The following ANTXR1 variants were observed in gnomAD, a reference collection of about 807,000 sequenced individuals.
ANTXR1 encodes the protein anthrax toxin receptor 1.
ANTXR1 carries 19 observed loss-of-function variants against 78.1 expected under a neutral mutation model. The ratio of observed to expected loss-of-function variants is 0.24; its 90% CI spans 0.17 to 0.36. ANTXR1 has a LOEUF of 0.36. Among genes scored for constraint, ANTXR1 ranks in the 10% least tolerant of loss-of-function variants. ANTXR1 has a pLI of 1.00. For synonymous variants in ANTXR1, 273 were observed against 260.5 expected (o/e 1.05, Z -0.46); for missense variants, 518 against 718.6 (o/e 0.72, Z 3.19).
At chr2:69,204,298 G>C (rs905653605) in intron 17 of ANTXR1, among the ~76,000 whole-genome samples, 1 of 152,088 alleles carries the variant, frequency 6.6e-6, no homozygotes, top group Non-Finnish European at 1.5e-5. Flanking sequence ...AACAGTGTGG[G>C]GAAGAGCCAG....
At chr2:69,121,976 C>T (rs1672361724) in intron 10 of ANTXR1, among the ~76,000 whole-genome samples, 1 of 152,140 alleles carries the variant, frequency 6.6e-6, no homozygotes, top group African/African-American at 2.4e-5. Context: ...TCCAAGAGTC[C>T]CCGACTCTGA....
intron 12 of ANTXR1, among the ~76,000 whole-genome samples, chr2:69,141,818 GCT>G: frequency 6.6e-6 from 1 of 152,252 alleles, no homozygotes; most frequent in East Asian, 1.9e-4. Flanking sequence ...GGGCATGAAG[GCT>G]TTTTGCCTGG....
intron 17 of ANTXR1, among the ~76,000 whole-genome samples, chr2:69,203,396 T>A (rs1305065512): frequency 6.6e-6 from 1 of 152,214 alleles, no homozygotes; most frequent in Non-Finnish European, 1.5e-5. Flanking sequence ...ACTTAGAATT[T>A]TTGGCTGAGT....
intron 17 of ANTXR1, among the ~76,000 whole-genome samples, chr2:69,216,496 C>T (rs916742830): frequency 1.8e-4 from 28 of 152,136 alleles, no homozygotes; most frequent in Admixed American, 4.6e-4. Flanking sequence ...CACATGTACA[C>T]GCACACACAC....
At position 69,189,153 on chromosome 2, in the gene ANTXR1, A is replaced by G. The variant is rs1674493803; in HGVS notation, c.1354-4182A>G. Among the ~76,000 whole-genome samples the G allele has an allele frequency of 3.9e-5, 6 of 152,244 alleles. No homozygotes were observed. In the South Asian group the frequency reaches 1.2e-3, roughly 31 times the overall value. Reference sequence around the variant, plus strand: ...GATTGCCTGGATTGTTTTCTATGCCACAGACTGGAGAGTTTAGGTTCATTT... The same window carrying G: ...GATTGCCTGGATTGTTTTCTATGCCGCAGACTGGAGAGTTTAGGTTCATTT... On this transcript the variant is annotated intron_variant, in intron 16 of 17. Transcript: ENST00000303714.
intron 4 of ANTXR1, 40 bp downstream of exon 4, chr2:69,070,768 A>G: frequency 8.8e-6 from 14 of 1,582,138 alleles, no homozygotes; most frequent in Non-Finnish European, 1.1e-5. Context: ...ATAAAGCATG[A>G]TATTGAAATA....
intron 3 of ANTXR1, among the ~76,000 whole-genome samples, chr2:69,055,291 G>A (rs1670036130): frequency 6.6e-6 from 1 of 152,166 alleles, no homozygotes; most frequent in African/African-American, 2.4e-5. Context: ...TATATAGAGG[G>A]ATGCAGGTAG....
At chr2:69,149,718 A>G (rs952942304) in intron 12 of ANTXR1, among the ~76,000 whole-genome samples, 7 of 152,204 alleles carry the variant, frequency 4.6e-5, no homozygotes, top group Non-Finnish European at 1.0e-4. Flanking sequence ...AGTGTTTGAC[A>G]AGATAGCTTA....
chr2:69,053,319 GT>G (rs1337360371), intron 3 of ANTXR1, among the ~76,000 whole-genome samples: 3 of 152,198 alleles, frequency 2.0e-5, no homozygotes, highest in Non-Finnish European at 4.4e-5. Flanking sequence ...CTTAGGCAGA[GT>G]AGAGACCCAG....
At chr2:69,138,093 A>AG (rs1450334663) in intron 12 of ANTXR1, among the ~76,000 whole-genome samples, 2,877 of 149,976 alleles carry the variant, frequency 0.019, 73 homozygotes, top group African/African-American at 0.068. Flanking sequence ...TCAAAAAAAA[A>AG]AGAAAAAAAA....
chr2:69,245,872 G>T lies in ANTXR1; in HGVS notation c.*387G>T. The T allele has an allele frequency of 4.9e-6, 1 of 205,500 alleles. No individual in the cohort carries two copies. Among genetic ancestry groups the T allele is most frequent in the Non-Finnish European group, 9.9e-6 (1 of 100,822 alleles). 12.7% of individuals were successfully genotyped at this position (205,500 alleles called of 1,614,324 possible). On this transcript the variant is annotated 3_prime_UTR_variant, in exon 18 of 18. Coordinates refer to ENST00000303714, the MANE Select transcript of ANTXR1 (RefSeq NM_032208.3). ...TGGGTTTCTAAAATGCTGCCTTCCT[G>T]CCTCTACTCCACCTCCATCCCTGGA...
chr2:69,114,221 A>G (rs938132285), intron 10 of ANTXR1, among the ~76,000 whole-genome samples: 2 of 152,224 alleles, frequency 1.3e-5, no homozygotes, highest in African/African-American at 2.4e-5. Context: ...TTTTTTATAT[A>G]CTTCTCTGTA....
intron 17 of ANTXR1, among the ~76,000 whole-genome samples, chr2:69,235,651 CAAAAAAAAAAA>C (rs554310438): frequency 1.7e-5 from 1 of 58,226 alleles, no homozygotes; most frequent in African/African-American, 6.0e-5. Context: ...AACCCCGTCT[CAAAAAAAAAAA>C]AAAAAAAAAA....
At chr2:69,234,597 C>T (rs556294818) in intron 17 of ANTXR1, among the ~76,000 whole-genome samples, 1 of 152,020 alleles carries the variant, frequency 6.6e-6, no homozygotes, top group South Asian at 2.1e-4. Context: ...GGTGAAAACC[C>T]ATCTCTACTA....
chr2:69,040,360 C>T (rs1669577764), intron 2 of ANTXR1, among the ~76,000 whole-genome samples: 1 of 152,192 alleles, frequency 6.6e-6, no homozygotes, highest in Non-Finnish European at 1.5e-5. Context: ...TTAGCATTCT[C>T]CCTTCTCTGT....
At chr2:69,152,656 T>G (rs1673430671) in intron 13 of ANTXR1, among the ~76,000 whole-genome samples, 1 of 152,230 alleles carries the variant, frequency 6.6e-6, no homozygotes, top group Non-Finnish European at 1.5e-5. Context: ...ACCTATACTC[T>G]TCTAAGGCCA....
At chr2:69,048,909 G>A (rs866407999) in intron 3 of ANTXR1, among the ~76,000 whole-genome samples, 2 of 152,104 alleles carry the variant, frequency 1.3e-5, no homozygotes, top group African/African-American at 4.8e-5. Flanking sequence ...CAGCAATGGC[G>A]CTGCATTTTC....
chr2:69,131,719 G>A (rs1040682120), intron 12 of ANTXR1, among the ~76,000 whole-genome samples: 3 of 152,140 alleles, frequency 2.0e-5, no homozygotes, highest in African/African-American at 7.2e-5. Context: ...GTACCATGAT[G>A]GCACCTACTG....
chr2:69,160,092 T>C (rs1046072826), intron 13 of ANTXR1, among the ~76,000 whole-genome samples: 5 of 152,224 alleles, frequency 3.3e-5, no homozygotes, highest in African/African-American at 1.2e-4. Flanking sequence ...TTGTGCCTTC[T>C]TGATCCTGTT....
Sources: gnomAD v4.1 joint callset for allele counts (sites outside exome capture counted in the v4.1 genomes callset) on GRCh38, gnomAD v4.1.1 for gene constraint, MANE v1.5 for transcripts, NCBI Gene and HGNC (gene_info 2026-07-23, HGNC 2026-07-21) for gene names.